Variants in TTC34 observed in about 807,000 individuals in gnomAD.
TTC34 encodes tetratricopeptide repeat domain 34.
Under a neutral mutation model 40.7 loss-of-function variants are expected in TTC34, and 44 were observed. That is an observed-to-expected ratio of 1.08 (90% CI 0.85 to 1.39). TTC34 has a LOEUF of 1.39. Among genes scored for constraint, TTC34 ranks in the 40% most tolerant of loss-of-function variants. The pLI is 0.00. For synonymous variants in TTC34, 422 were observed against 398.6 expected, an observed-to-expected ratio of 1.06 and a Z score of -0.70; for missense variants, 884 against 838.0, an observed-to-expected ratio of 1.05 and a Z score of -0.68.
At chr1:2,685,097 C>T (rs1640266198) in intron 6 of TTC34, among the ~76,000 whole-genome samples, 2 of 141,212 alleles carry the variant, frequency 1.4e-5, no homozygotes, top group East Asian at 2.1e-4. Flanking sequence ...GTGCACGTGA[C>T]AGCTTGGATC....
chr1:2,791,642 T>C (rs935994095), intron 2 of TTC34, among the ~76,000 whole-genome samples: 9 of 152,080 alleles, frequency 5.9e-5, no homozygotes, highest in Non-Finnish European at 1.3e-4. Context: ...GTGGCCAAAG[T>C]AAAAGACACT....
At chr1:2,654,611 A>C (rs1639274093) in intron 6 of TTC34, among the ~76,000 whole-genome samples, 2 of 152,378 alleles carry the variant, frequency 1.3e-5, no homozygotes, top group African/African-American at 2.4e-5. Context: ...CAGCTCCCAC[A>C]CCCCCAGGTG....
At chr1:2,699,245 C>G (rs1641015275) in intron 6 of TTC34, among the ~76,000 whole-genome samples, 1 of 150,642 alleles carries the variant, frequency 6.6e-6, no homozygotes, top group Non-Finnish European at 1.5e-5. Context: ...GGAGCAGCAC[C>G]CATACCCCAA....
intron 6 of TTC34, among the ~76,000 whole-genome samples, chr1:2,748,498 A>ACAGGC (rs1641218763): frequency 7.2e-6 from 1 of 138,964 alleles, no homozygotes; most frequent in African/African-American, 2.6e-5. Flanking sequence ...TGAGCATCCG[A>ACAGGC]TAGCCTGGAG....
At chr1:2,755,985 A>G (rs1304821886) in intron 6 of TTC34, among the ~76,000 whole-genome samples, 1 of 41,890 alleles carries the variant, frequency 2.4e-5, no homozygotes, top group Non-Finnish European at 3.9e-5. Context: ...GCACCCTGCA[A>G]CCCAGGTGAG....
exon 2 of TTC34, chr1:2,800,475 T>C (rs1221368732): frequency 7.5e-6 from 3 of 398,398 alleles, no homozygotes; most frequent in Non-Finnish European, 1.3e-5. Context: ...CACTTCTTCG[T>C]GACGCCCGCG....
intron 6 of TTC34, among the ~76,000 whole-genome samples, chr1:2,685,062 G>C: frequency 7.1e-6 from 1 of 140,072 alleles, no homozygotes; most frequent in South Asian, 2.2e-4. Flanking sequence ...CTGACAGCCT[G>C]GAACAGCAGC....
chr1:2,775,185 G>T (rs1181154386), intron 6 of TTC34: 1 of 139,334 alleles, frequency 7.2e-6, no homozygotes, highest in Non-Finnish European at 1.5e-5. Flanking sequence ...ACAGCACCCT[G>T]CAACCCCAGG....
At chr1:2,750,170 G>A (rs1641268357) in intron 6 of TTC34, among the ~76,000 whole-genome samples, 38 of 152,162 alleles carry the variant, frequency 2.5e-4, no homozygotes, top group Non-Finnish European at 4.3e-4. Flanking sequence ...ACACCCCCAG[G>A]CGAGCATCTG....
Position 2,645,438 on chromosome 1 carries a change from G to C in TTC34, c.2352C>G (p.Ala784=), listed in dbSNP as rs1210372365. 13 of 1,535,512 alleles carry C rather than the reference G, an allele frequency of 8.5e-6. No individual in the cohort carries two copies. Among genetic ancestry groups the C allele is most frequent in the Non-Finnish European group, 3.5e-6 (4 of 1,146,710 alleles). ...CAGTGTCTGGCAGCTGGCTCAGAAG[G>C]GCCCGGCAGTGGGAGTAGAGGCCCT... The change falls in exon 7 of 9, where the codon GCC becomes GCG. Residue 784 remains alanine (A), a synonymous_variant. Coordinates refer to ENST00000401095, the Ensembl canonical transcript of TTC34. The surrounding 1 kb of genome is among the most constrained non-coding windows in gnomAD (Gnocchi z 4.7).
intron 6 of TTC34, among the ~76,000 whole-genome samples, chr1:2,659,982 C>T (rs367735364): frequency 2.9e-4 from 44 of 149,774 alleles, no homozygotes; most frequent in African/African-American, 1.0e-3. Context: ...TGGAACAGCA[C>T]GCGCACCCCC....
chr1:2,675,240 A>C (rs1365528865), intron 6 of TTC34, among the ~76,000 whole-genome samples: 2,379 of 87,266 alleles, frequency 0.027, no homozygotes, highest in Middle Eastern at 0.043. Context: ...AGCACCCACA[A>C]CCCCAGGTGA....
chr1:2,655,522 C>G (rs1309732271), intron 6 of TTC34, among the ~76,000 whole-genome samples: 1 of 145,900 alleles, frequency 6.9e-6, no homozygotes, highest in African/African-American at 2.6e-5. Context: ...CAGGCTGGAG[C>G]AGCACGCACA....
intron 6 of TTC34, among the ~76,000 whole-genome samples, chr1:2,700,284 C>G (rs1641071337): frequency 1.0e-5 from 1 of 100,494 alleles, no homozygotes; most frequent in Non-Finnish European, 2.4e-5. Context: ...CCTGGAGCAG[C>G]ACCCACACCC....
intron 6 of TTC34, among the ~76,000 whole-genome samples, chr1:2,687,680 C>T (rs561772447): frequency 2.6e-5 from 4 of 151,134 alleles, no homozygotes; most frequent in Admixed American, 1.3e-4. Context: ...TGGAGCAGCA[C>T]GCACACCCCC....
chr1:2,645,569 AGGAG>A lies in TTC34; in HGVS notation c.2227-10_2227-7del. On this transcript the variant is annotated splice_polypyrimidine_tract_variant and splice_region_variant and intron_variant, in intron 6 of 8. Coordinates refer to ENST00000401095, the Ensembl canonical transcript of TTC34. This position sits in a 1 kb window ranked among gnomAD's most constrained non-coding sequence, Gnocchi z 4.7. ...ACGATGTCGTCCACGGCTTCCTGCA[AGGAG>A]GGAGGGCGGGCGGGTGCAGAGTTGT... is the stretch of plus-strand genomic sequence containing the variant. 2.9e-5 allele frequency: 3 copies of A among 103,930 alleles called. No individual in the cohort carries two copies. The highest frequency in any genetic ancestry group is 3.4e-5 in the Non-Finnish European group (2 of 58,510). 6.4% of individuals were successfully genotyped at this position (103,930 alleles called of 1,614,324 possible). A position where few individuals can be genotyped will look rare whatever the true frequency, so the allele number is the denominator to read the frequency against.
At chr1:2,750,496 C>T (rs1431868940) in intron 6 of TTC34, among the ~76,000 whole-genome samples, 1 of 136,880 alleles carries the variant, frequency 7.3e-6, no homozygotes, top group Non-Finnish European at 1.6e-5. Context: ...CCCAGTTGAG[C>T]ATTGGACAGC....
intron 6 of TTC34, among the ~76,000 whole-genome samples, chr1:2,747,696 AGC>A (rs1641197972): frequency 2.5e-5 from 3 of 121,910 alleles, no homozygotes; most frequent in South Asian, 2.8e-4. Flanking sequence ...AGCATCTGAC[AGC>A]TTGGAACAGC....
rs866754142 is a variant in TTC34 at position 2,642,449 on chromosome 1, C to A, written c.2713-554G>T. Among the ~76,000 whole-genome samples the A allele has an allele frequency of 5.3e-5, 8 of 152,290 alleles. No homozygotes were observed. In the South Asian group the frequency reaches 1.7e-3, roughly 32 times the overall value. On this transcript the variant is annotated intron_variant, in intron 8 of 8. Coordinates refer to ENST00000401095, the Ensembl canonical transcript of TTC34. Reference sequence around the variant, plus strand: ...TGCACCCTAGCCCCTCTCCCTGGGGCTGCTGGACGGAGGGCACAGCCTGTG... The same window carrying A: ...TGCACCCTAGCCCCTCTCCCTGGGGATGCTGGACGGAGGGCACAGCCTGTG...
Sources: allele counts gnomAD v4.1 joint callset (sites outside exome capture counted in the v4.1 genomes callset), GRCh38; gene constraint gnomAD v4.1.1; non-coding constraint Gnocchi (gnomAD v3.1); transcripts MANE v1.5; gene names NCBI Gene and HGNC (gene_info 2026-07-23, HGNC 2026-07-21).